SCFD2: variants seen among roughly 807,000 people sequenced by gnomAD.
SCFD2 encodes sec1 family domain-containing protein 2.
In SCFD2, 54 loss-of-function variants were observed where a neutral mutation model predicts 58.9. The observed-to-expected ratio is 0.92, with a 90% confidence interval of 0.74 to 1.15. SCFD2 has a LOEUF of 1.15. Among genes scored for constraint, SCFD2 ranks in the 50% most tolerant of loss-of-function variants. SCFD2 has a pLI of 0.00. For missense variants in SCFD2, 805 were observed against 836.6 expected (o/e 0.96, Z 0.47); for synonymous variants, 321 against 335.9 (o/e 0.96, Z 0.49).
chr4:52,903,806 C>A (rs1431726028), intron 7 of SCFD2, among the ~76,000 whole-genome samples: 1 of 152,132 alleles, frequency 6.6e-6, no homozygotes, highest in Admixed American at 6.5e-5. Context: ...TGATTAAAAC[C>A]ATTAAATTGA....
chr4:53,351,396 AC>A (rs1425340039), intron 2 of SCFD2, among the ~76,000 whole-genome samples: 2 of 152,198 alleles, frequency 1.3e-5, no homozygotes, highest in South Asian at 4.1e-4. Flanking sequence ...TTAACCTGAT[AC>A]TTGTAGAAAT....
intron 8 of SCFD2, among the ~76,000 whole-genome samples, chr4:52,881,335 G>A (rs1227963846): frequency 1.3e-5 from 2 of 152,164 alleles, no homozygotes; most frequent in African/African-American, 4.8e-5. Context: ...CTTCTCCATG[G>A]GAGTCTGTGC....
At chr4:53,111,378 G>A (rs1206462331) in intron 5 of SCFD2, among the ~76,000 whole-genome samples, 8 of 151,778 alleles carry the variant, frequency 5.3e-5, no homozygotes, top group Admixed American at 2.6e-4. Context: ...GTAATAAGAC[G>A]TACTGTTACA....
chr4:53,272,889 G>A (rs1194803843), intron 4 of SCFD2, among the ~76,000 whole-genome samples: 1 of 151,914 alleles, frequency 6.6e-6, no homozygotes, highest in Non-Finnish European at 1.5e-5. Context: ...AAAAAAGCAA[G>A]CTATTTAGGG....
chr4:53,331,614 T>C (rs148087226), intron 2 of SCFD2, among the ~76,000 whole-genome samples: 2,656 of 152,184 alleles, frequency 0.017, 86 homozygotes, highest in African/African-American at 0.061. Context: ...GAGGGAAATT[T>C]ATAGCACTAA....
intron 4 of SCFD2, among the ~76,000 whole-genome samples, chr4:53,160,790 T>C: frequency 6.6e-6 from 1 of 152,200 alleles, no homozygotes; most frequent in East Asian, 1.9e-4. Flanking sequence ...TCTCAAAGTA[T>C]CAACGTGCTT....
chr4:53,289,655 A>C (rs915426305), intron 3 of SCFD2, among the ~76,000 whole-genome samples: 1 of 152,164 alleles, frequency 6.6e-6, no homozygotes, highest in African/African-American at 2.4e-5. Context: ...TAAATGGATT[A>C]AAGTCACCAA....
At chr4:53,238,689 CG>C (rs1560404076) in intron 4 of SCFD2, among the ~76,000 whole-genome samples, 1 of 150,462 alleles carries the variant, frequency 6.6e-6, no homozygotes, top group East Asian at 2.0e-4. Flanking sequence ...GACGGGGTTG[CG>C]GCCGGGCAGA....
At chr4:53,085,329 G>A (rs111476793) in intron 5 of SCFD2, among the ~76,000 whole-genome samples, 13,901 of 151,992 alleles carry the variant, frequency 0.091, 887 homozygotes, top group Non-Finnish European at 0.14. Context: ...GTTAACCAAA[G>A]AAGTAAAAAA....
chr4:53,122,463 C>G (rs932075196), intron 5 of SCFD2, among the ~76,000 whole-genome samples: 2 of 152,130 alleles, frequency 1.3e-5, no homozygotes, highest in African/African-American at 2.4e-5. Flanking sequence ...GAAGGAAGAG[C>G]CTCAGCATAA....
At chr4:53,177,354 AGG>A (rs1727370896) in intron 4 of SCFD2, among the ~76,000 whole-genome samples, 1 of 152,208 alleles carries the variant, frequency 6.6e-6, no homozygotes, top group Non-Finnish European at 1.5e-5. Flanking sequence ...AGCATCCTGG[AGG>A]AAGTAAAGAC....
chr4:53,111,435 T>G (rs1176854280), intron 5 of SCFD2, among the ~76,000 whole-genome samples: 1 of 152,176 alleles, frequency 6.6e-6, no homozygotes, highest in Non-Finnish European at 1.5e-5. Flanking sequence ...GTCATAACTT[T>G]GTTTTGAATT....
intron 5 of SCFD2, among the ~76,000 whole-genome samples, chr4:53,141,931 C>G (rs1408529618): frequency 6.6e-6 from 1 of 152,066 alleles, no homozygotes; most frequent in Non-Finnish European, 1.5e-5. Flanking sequence ...CCACCAACAC[C>G]GAGGGTTGAT....
chr4:52,942,489 A>G (rs1720318252), intron 5 of SCFD2, among the ~76,000 whole-genome samples: 1 of 152,062 alleles, frequency 6.6e-6, no homozygotes, highest in Non-Finnish European at 1.5e-5. Context: ...AGCCAGGGAG[A>G]CTGTTATGAG....
At chr4:53,086,631 A>G (rs1400424447) in intron 5 of SCFD2, among the ~76,000 whole-genome samples, 1 of 152,220 alleles carries the variant, frequency 6.6e-6, no homozygotes, top group Non-Finnish European at 1.5e-5. Context: ...GAAGCAACCT[A>G]AATGTCCATC....
At chr4:53,057,785 C>T (rs1454585111) in intron 5 of SCFD2, among the ~76,000 whole-genome samples, 1 of 152,058 alleles carries the variant, frequency 6.6e-6, no homozygotes, top group Non-Finnish European at 1.5e-5. Flanking sequence ...TTAGAGGCCT[C>T]TCATTACTTT....
chr4:52,883,622 T>C (rs1393379934), intron 8 of SCFD2, among the ~76,000 whole-genome samples: 2 of 152,144 alleles, frequency 1.3e-5, no homozygotes, highest in Non-Finnish European at 2.9e-5. Context: ...AGAGTAGGGA[T>C]TAACATGTCT....
Position 53,257,085 on chromosome 4 carries a change from T to G in SCFD2, c.1311+16741A>C, listed in dbSNP as rs997912128. On this transcript the variant is annotated intron_variant, in intron 4 of 8. Transcript: ENST00000401642. ...TTTCTCTATGTAACAAACCTACACA[T>G]GCGCCCCTGAACCTAAAAGTGTAAC... Among the ~76,000 whole-genome samples, 9 of 148,812 alleles carry G rather than the reference T, an allele frequency of 6.0e-5. No individual in the cohort carries two copies. In the Admixed American group the frequency reaches 6.2e-4, roughly 10 times the overall value.
chr4:53,251,724 G>T (rs1417428610), intron 4 of SCFD2, among the ~76,000 whole-genome samples: 2 of 151,776 alleles, frequency 1.3e-5, no homozygotes, highest in Non-Finnish European at 2.9e-5. Flanking sequence ...GGTATTGATG[G>T]GACGTATCTC....
Sources: gnomAD v4.1 joint callset for allele counts (sites outside exome capture counted in the v4.1 genomes callset) on GRCh38, gnomAD v4.1.1 for gene constraint, MANE v1.5 for transcripts, NCBI Gene and HGNC (gene_info 2026-07-23, HGNC 2026-07-21) for gene names.